SCHIP1: variants seen among roughly 807,000 people sequenced by gnomAD.
SCHIP1 encodes the protein schwannomin-interacting protein 1.
A neutral mutation model predicts 29.7 loss-of-function variants in SCHIP1; 8 were observed. That is an observed-to-expected ratio of 0.27 (90% CI 0.16 to 0.49). The LOEUF (loss-of-function observed/expected upper bound fraction) is 0.49, where lower values mean the gene tolerates loss of function less well. Ranked by LOEUF, SCHIP1 falls within the 20% of genes least tolerant of loss-of-function variation. The pLI, the probability that SCHIP1 is intolerant of heterozygous loss-of-function variation, is 0.99. For synonymous variants in SCHIP1, 76 were observed against 94.9 expected, an observed-to-expected ratio of 0.80 and a Z score of 1.16; for missense variants, 193 against 294.6, an observed-to-expected ratio of 0.66 and a Z score of 2.52.
At chr3:159,273,295 C>T in the SCHIP1 span, 1 of 985,970 alleles carries the variant, frequency 1.0e-6, no homozygotes, top group Non-Finnish European at 1.2e-6. Flanking sequence ...CTGTGATAAT[C>T]TTCAGCAGAC....
chr3:159,308,394 G>T, the SCHIP1 span, among the ~76,000 whole-genome samples: 1,650 of 152,246 alleles, frequency 0.011, 19 homozygotes, highest in African/African-American at 0.019. Flanking sequence ...CTCAAAAGAA[G>T]ACATACAAGT....
the SCHIP1 span, among the ~76,000 whole-genome samples, chr3:159,529,181 A>T: frequency 1.3e-3 from 205 of 152,334 alleles, no homozygotes; most frequent in South Asian, 0.024. Flanking sequence ...AAGTAAAGGG[A>T]TATCTAAATG....
chr3:159,544,764 T>C, the SCHIP1 span, among the ~76,000 whole-genome samples: 1 of 152,130 alleles, frequency 6.6e-6, no homozygotes, highest in African/African-American at 2.4e-5. Flanking sequence ...GTTAGCTATA[T>C]GTATTGCAGA....
At chr3:159,386,145 A>G in the SCHIP1 span, among the ~76,000 whole-genome samples, 3 of 152,304 alleles carry the variant, frequency 2.0e-5, no homozygotes, top group African/African-American at 7.2e-5. Context: ...GAGCAGTGCC[A>G]CTACAAACAT....
the SCHIP1 span, among the ~76,000 whole-genome samples, chr3:159,757,969 G>GT: frequency 6.6e-6 from 1 of 152,166 alleles, no homozygotes; most frequent in African/African-American, 2.4e-5. Flanking sequence ...AAGGCATGCG[G>GT]TTTTGGAGAC....
the SCHIP1 span, among the ~76,000 whole-genome samples, chr3:159,571,051 G>A: frequency 6.6e-5 from 10 of 152,246 alleles, no homozygotes; most frequent in East Asian, 7.7e-4. Context: ...CTGAGACGAC[G>A]GGGTTTTCTA....
chr3:159,407,856 T>C, the SCHIP1 span, among the ~76,000 whole-genome samples: 77 of 152,076 alleles, frequency 5.1e-4, no homozygotes, highest in Middle Eastern at 3.4e-3. Flanking sequence ...AAACAAAACA[T>C]ACCAAGACCT....
chr3:159,373,344 T>G, the SCHIP1 span, among the ~76,000 whole-genome samples: 8 of 151,810 alleles, frequency 5.3e-5, no homozygotes, highest in African/African-American at 1.9e-4. Flanking sequence ...GGATAAAAAG[T>G]GATGTTATAA....
the SCHIP1 span, among the ~76,000 whole-genome samples, chr3:159,724,164 T>G: frequency 6.6e-6 from 1 of 152,238 alleles, no homozygotes; most frequent in African/African-American, 2.4e-5. Context: ...ATTGACCATT[T>G]GTATTTCTTC....
chr3:159,798,938 A>G, the SCHIP1 span, among the ~76,000 whole-genome samples: 244 of 152,188 alleles, frequency 1.6e-3, 2 homozygotes, highest in African/African-American at 5.6e-3. Flanking sequence ...TTCTTTCCTT[A>G]TTTCTTGAAC....
chr3:159,735,993 A>G, the SCHIP1 span, among the ~76,000 whole-genome samples: 97 of 150,936 alleles, frequency 6.4e-4, 2 homozygotes, highest in African/African-American at 2.2e-3. Flanking sequence ...TGGTTCAGGG[A>G]AAGCATGAAA....
the SCHIP1 span, among the ~76,000 whole-genome samples, chr3:159,444,566 G>C: frequency 6.6e-6 from 1 of 152,076 alleles, no homozygotes; most frequent in East Asian, 1.9e-4. Context: ...TTCTCTGAGG[G>C]ACCCATTCAG....
chr3:159,513,760 G>A, the SCHIP1 span, among the ~76,000 whole-genome samples: 1 of 152,226 alleles, frequency 6.6e-6, no homozygotes, highest in African/African-American at 2.4e-5. Flanking sequence ...CTGAGGGTCA[G>A]TGGGATGAGA....
the SCHIP1 span, among the ~76,000 whole-genome samples, chr3:159,478,002 A>C: frequency 7.0e-6 from 1 of 143,354 alleles, no homozygotes; most frequent in African/African-American, 2.6e-5. Context: ...GGCTCACTGC[A>C]ACCTCCATCT....
the SCHIP1 span, among the ~76,000 whole-genome samples, chr3:159,347,090 T>C: frequency 2.6e-5 from 4 of 152,142 alleles, no homozygotes; most frequent in Admixed American, 2.6e-4. Flanking sequence ...AACTCTGTCC[T>C]CCACAAATAT....
the SCHIP1 span, among the ~76,000 whole-genome samples, chr3:159,430,871 A>G: frequency 6.6e-6 from 1 of 152,098 alleles, no homozygotes; most frequent in Admixed American, 6.6e-5. Context: ...ATGCCCCTCA[A>G]TAGTAACACA....
the SCHIP1 span, among the ~76,000 whole-genome samples, chr3:159,295,418 G>A: frequency 6.6e-6 from 1 of 152,042 alleles, no homozygotes; most frequent in South Asian, 2.1e-4. Context: ...GACAGAGCGA[G>A]ACTCCATCTC....
At chr3:159,453,005 T>A in the SCHIP1 span, among the ~76,000 whole-genome samples, 32 of 152,204 alleles carry the variant, frequency 2.1e-4, no homozygotes, top group Admixed American at 2.0e-3. Flanking sequence ...GGCTTCTGAA[T>A]AAAATTGGGC....
At chr3:159,280,558 G>A in the SCHIP1 span, among the ~76,000 whole-genome samples, 5 of 152,092 alleles carry the variant, frequency 3.3e-5, no homozygotes, top group African/African-American at 7.2e-5. Context: ...AAAGGGACAC[G>A]AAAGCTTAAC....
Sources: gnomAD v4.1 joint callset for allele counts (sites outside exome capture counted in the v4.1 genomes callset) on GRCh38, gnomAD v4.1.1 for gene constraint, MANE v1.5 for transcripts, NCBI Gene and HGNC (gene_info 2026-07-23, HGNC 2026-07-21) for gene names.